The following UBAP2L variants were observed in gnomAD, a reference collection of about 807,000 sequenced individuals.
The protein encoded by UBAP2L is ubiquitin associated protein 2 like, also known as ubiquitin-associated protein 2-like.
UBAP2L carries 12 observed loss-of-function variants against 130.6 expected under a neutral mutation model. That is an observed-to-expected ratio of 0.09 (90% CI 0.06 to 0.15). UBAP2L has a LOEUF of 0.15. Ranked by LOEUF, UBAP2L falls within the 10% of genes least tolerant of loss-of-function variation. The pLI is 1.00. For synonymous variants in UBAP2L, 503 were observed against 524.7 expected (o/e 0.96, Z 0.57); for missense variants, 965 against 1,332.5 (o/e 0.72, Z 4.29).
chr1:154,249,053 A>G (rs1413883533), intron 11 of UBAP2L, among the ~76,000 whole-genome samples, 186 bp from the exon 12 acceptor site: 1 of 152,226 alleles, frequency 6.6e-6, no homozygotes, highest in African/African-American at 2.4e-5. Context: ...TTACATAGCC[A>G]GGATTTCAAT....
chr1:154,228,333 G>A lies in UBAP2L; in HGVS notation c.169-282G>A, dbSNP rs753999052. Among the ~76,000 whole-genome samples, 18 of 151,818 alleles carry A rather than the reference G, an allele frequency of 1.2e-4. 1 individual carries two copies. Among genetic ancestry groups the A allele is most frequent in the Non-Finnish European group, 2.1e-4 (14 of 67,962 alleles). On this transcript the variant is annotated intron_variant, in intron 3 of 26. Transcript: ENST00000428931. ...CTCCCAAGTAGCTAGGATTACAGGC[G>A]CCCGCCACCACACCCAGCTAATTTT...
chr1:154,221,065 C>G (rs993191688), intron 1 of UBAP2L, 90 bp downstream of exon 1: 2 of 181,572 alleles, frequency 1.1e-5, no homozygotes, highest in African/African-American at 4.8e-5. Flanking sequence ...CCCTTTAAAT[C>G]CGCGATCCCC....
In UBAP2L at chr1:154,270,532, T is replaced by C; in HGVS notation, c.*237T>C. On this transcript the variant is annotated 3_prime_UTR_variant, in exon 27 of 27. Transcript: ENST00000428931. ...TTTCCCCCTTCCATTCCTTCTCCCC[T>C]CTTGCATTCAAGATTATGAAACTTT... 2 of 1,434,138 alleles carry C rather than the reference T, an allele frequency of 1.4e-6. No individual in the cohort carries two copies. The highest frequency in any genetic ancestry group is 5.1e-5 in the East Asian group (2 of 38,884). 88.8% of individuals were successfully genotyped at this position (1,434,138 alleles called of 1,614,324 possible).
Position 154,243,254 on chromosome 1 carries a change from C to G in UBAP2L, c.794C>G (p.Ser265Cys). The change falls in exon 10 of 27, where the codon TCT (serine) becomes TGT (cysteine). Residue 265 changes from serine (S) to cysteine (C), a missense_variant. This residue lies in a region of UBAP2L where 19 missense variants were observed against 52.1 expected (regional missense o/e 0.36). Coordinates refer to ENST00000428931, the MANE Select transcript of UBAP2L (RefSeq NM_014847.4). The stretch of plus-strand genomic sequence containing the variant: ...AAGATCTTCACTGCCTCTAATGTGT[C>G]TTCAGTGCCTCTGCCTGCGGAGAAT... ...ETKIFTASNVSSVPLPAENVT... is the reference protein window; with the variant it reads ...ETKIFTASNVCSVPLPAENVT... 6.2e-7 allele frequency: 1 copy of G among 1,612,090 alleles called. No homozygotes were observed. The highest frequency in any genetic ancestry group is 8.5e-7 in the Non-Finnish European group (1 of 1,178,490).
chr1:154,223,247 A>T (rs1297036149), intron 1 of UBAP2L, among the ~76,000 whole-genome samples: 1 of 152,194 alleles, frequency 6.6e-6, no homozygotes, highest in Non-Finnish European at 1.5e-5. Flanking sequence ...TAATATGTTT[A>T]CATCTGACTG....
In UBAP2L at chr1:154,254,879, A is replaced by T. The variant is rs1213489862; in HGVS notation, c.1898A>T (p.Gln633Leu). The part of the protein sequence containing the change: ...SVQATQLQTT[Q>L]SVEGATGSAV... ...CAGGCCACGCAGTTACAGACCACACAATCTGTTGAAGGTGAGTGTTCTTCA... is the reference window on the plus strand; with the variant it reads ...CAGGCCACGCAGTTACAGACCACACTATCTGTTGAAGGTGAGTGTTCTTCA... The change falls in exon 16 of 27, where the codon CAA becomes CTA. Residue 633 changes from glutamine to leucine, a missense_variant. Around this residue, in one of 9 missense-constraint regions of UBAP2L, gnomAD observed 393 missense variants for 408.1 expected, o/e 0.96. Coordinates refer to ENST00000428931, the MANE Select transcript of UBAP2L (RefSeq NM_014847.4). The T allele has an allele frequency of 2.5e-6, 4 of 1,597,526 alleles. No individual in the cohort carries two copies. The highest frequency in any genetic ancestry group is 1.4e-5 in the African/African-American group (1 of 73,394).
chr1:154,220,322 G>C, upstream of UBAP2L: 1 of 1,613,326 alleles, frequency 6.2e-7, no homozygotes, highest in Non-Finnish European at 8.5e-7. Context: ...AGCAGGAATG[G>C]GGTGGGGTAA....
intron 26 of UBAP2L, among the ~76,000 whole-genome samples, 155 bp from the exon 27 acceptor site, chr1:154,270,045 T>C (rs1021091290): frequency 6.6e-6 from 1 of 152,124 alleles, no homozygotes; most frequent in Non-Finnish European, 1.5e-5. Context: ...AAAGGGGCTT[T>C]AGCAGCTATG....
intron 21 of UBAP2L, among the ~76,000 whole-genome samples, chr1:154,259,262 G>T (rs1435298519): frequency 6.6e-6 from 1 of 151,976 alleles, no homozygotes; most frequent in African/African-American, 2.4e-5. Context: ...TGTGATCTTG[G>T]CTCATTGCAA....
rs772380811 is a variant in UBAP2L at position 154,257,111 on chromosome 1, T to C, written c.2206T>C (p.Phe736Leu). The C allele has an allele frequency of 1.3e-5, 21 of 1,613,964 alleles. No individual in the cohort carries two copies. The highest frequency in any genetic ancestry group is 1.7e-5 in the Non-Finnish European group (20 of 1,180,028). ...GAATCTCCATTCTTCCTCCAGCACT[T>C]TTTCCACCACATCCAGCACAGTCTC... The part of the protein sequence containing the change: ...EANLHSSSST[F>L]STTSSTVSAP... The change falls in exon 19 of 27, where the codon TTT (phenylalanine) becomes CTT (leucine). Residue 736 changes from phenylalanine (F) to leucine (L), a missense_variant. Phe to Leu is a conservative substitution (Grantham distance 22). Transcript: ENST00000428931.
intron 5 of UBAP2L, 152 bp downstream of exon 5, chr1:154,234,911 G>A (rs1671103496): frequency 1.9e-6 from 2 of 1,040,290 alleles, no homozygotes; most frequent in South Asian, 3.1e-5. Flanking sequence ...GACATCTCTT[G>A]CATGTGGCCT....
chr1:154,264,742 ATTTTTTAT>A lies in UBAP2L; in HGVS notation c.2903-1744_2903-1737del, dbSNP rs533230865. On this transcript the variant is annotated intron_variant, in intron 24 of 26. Coordinates refer to ENST00000428931, the MANE Select transcript of UBAP2L (RefSeq NM_014847.4). ...ACTGCAGAAGGTGACCAACTATGCT[ATTTTTTAT>A]TTTTTTATTTTTTTTTTGCCTTTGC... Among the ~76,000 whole-genome samples the A allele has an allele frequency of 4.5e-3, 687 of 151,932 alleles. 5 individuals are homozygous for A. The highest frequency in any genetic ancestry group is 0.017 in the South Asian group (83 of 4,818).
chr1:154,263,656 A>T (rs973524486), intron 24 of UBAP2L, among the ~76,000 whole-genome samples: 1 of 152,066 alleles, frequency 6.6e-6, no homozygotes. Context: ...AGGTGGGGGG[A>T]GGGGAAACAG....
chr1:154,255,586 C>T lies in UBAP2L; in HGVS notation c.2085-97C>T, dbSNP rs113628495. The T allele has an allele frequency of 2.7e-5, 38 of 1,402,530 alleles. No homozygotes were observed. The African/African-American group carries it at 3.3e-4, about 12-fold the overall frequency. The allele number at this position is 1,402,530 out of a possible 1,614,324, so 86.9% of individuals were successfully genotyped here. ...ATGATCTCAGACCTCCTTGGTGTCC[C>T]ATATTATGTCTTATTTCCTTGTTAT... is the stretch of plus-strand genomic sequence containing the variant. On this transcript the variant is annotated intron_variant, in intron 17 of 26. Coordinates refer to ENST00000428931, the MANE Select transcript of UBAP2L (RefSeq NM_014847.4).
chr1:154,262,701 C>G (rs886822941), intron 24 of UBAP2L, among the ~76,000 whole-genome samples: 4 of 152,140 alleles, frequency 2.6e-5, no homozygotes, highest in Non-Finnish European at 4.4e-5. Context: ...GAGCTTTGAA[C>G]TGTGCTGCAT....
In UBAP2L at chr1:154,270,718, C is replaced by CATGAAT; in HGVS notation, c.*429_*434dup. On this transcript the variant is annotated 3_prime_UTR_variant, in exon 27 of 27. Transcript: ENST00000428931. ...ACAACAACAAACAAAAAAATGGCGT[C>CATGAAT]ATGAATATGAACAGCATTGTCAGAT... The CATGAAT allele has an allele frequency of 7.2e-7, 1 of 1,398,514 alleles. No homozygotes were observed. The highest frequency in any genetic ancestry group is 9.2e-7 in the Non-Finnish European group (1 of 1,082,590). The allele number at this position is 1,398,514 out of a possible 1,614,324, so 86.6% of individuals were successfully genotyped here.
At chr1:154,225,873 G>A (rs1667762830) in intron 2 of UBAP2L, among the ~76,000 whole-genome samples, 1 of 152,168 alleles carries the variant, frequency 6.6e-6, no homozygotes, top group African/African-American at 2.4e-5. Context: ...GAGTGCAATG[G>A]CGCCACTTCG....
At chr1:154,266,420 C>T in intron 24 of UBAP2L, 81 bp from the exon 25 acceptor site, 2 of 1,442,818 alleles carry the variant, frequency 1.4e-6, no homozygotes, top group Non-Finnish European at 2.0e-6. Context: ...GCTAGAAAGG[C>T]TACAGATATC....
intron 12 of UBAP2L, 90 bp from the exon 13 acceptor site, chr1:154,250,951 G>C: frequency 2.2e-6 from 3 of 1,387,880 alleles, no homozygotes; most frequent in Non-Finnish European, 2.9e-6. Context: ...GATTTTTACA[G>C]TCCTCATTCA....
Sources: allele counts gnomAD v4.1 joint callset (sites outside exome capture counted in the v4.1 genomes callset), GRCh38; gene constraint gnomAD v4.1.1; regional missense constraint gnomAD v4.1.1; transcripts MANE v1.5; gene names NCBI Gene and HGNC (gene_info 2026-07-23, HGNC 2026-07-21).